The following IL3RA variants were observed in gnomAD, a reference collection of about 807,000 sequenced individuals.
IL3RA encodes the protein interleukin-3 receptor subunit alpha.
Under a neutral mutation model 52.3 loss-of-function variants are expected in IL3RA, and 73 were observed. That is an observed-to-expected ratio of 1.40 (90% CI 1.16 to 1.70). The LOEUF is 1.70. IL3RA is among the 40% of genes most tolerant of loss of function. The pLI, the probability that IL3RA is intolerant of heterozygous loss-of-function variation, is 0.00. For missense variants in IL3RA, 664 were observed against 504.4 expected, an observed-to-expected ratio of 1.32 and a Z score of -3.03; for synonymous variants, 260 against 194.0, an observed-to-expected ratio of 1.34 and a Z score of -2.83.
intron 2 of IL3RA, among the ~76,000 whole-genome samples, chrX:1,344,547 G>C (rs1802806108): frequency 6.6e-6 from 1 of 150,580 alleles, no homozygotes; most frequent in Non-Finnish European, 1.5e-5. Flanking sequence ...GGCCGAGGCG[G>C]ACAGATCACG....
At position 1,358,425 on chromosome X, in the gene IL3RA, C is replaced by T. The variant is rs577050587; in HGVS notation, c.733-436C>T. On this transcript the variant is annotated intron_variant, in intron 7 of 11. Coordinates refer to ENST00000331035, the MANE Select transcript of IL3RA (RefSeq NM_002183.4). Reference sequence around the variant, plus strand: ...CTGTAATCCCAGCACTTTGGGAGGCCGAGGTGGGCAGATCATGAGGTCAAG... The same window carrying T: ...CTGTAATCCCAGCACTTTGGGAGGCTGAGGTGGGCAGATCATGAGGTCAAG... Among the ~76,000 whole-genome samples, 10 of 152,138 alleles carry T rather than the reference C, an allele frequency of 6.6e-5. No homozygotes were observed. The South Asian group carries it at 8.3e-4, about 13-fold the overall frequency.
At chrX:1,379,640 C>G (rs1301755637) in intron 10 of IL3RA, among the ~76,000 whole-genome samples, 1 of 152,254 alleles carries the variant, frequency 6.6e-6, no homozygotes, top group Non-Finnish European at 1.5e-5. Context: ...GGGCGAAAGG[C>G]CAGGCTTTCT....
intron 8 of IL3RA, among the ~76,000 whole-genome samples, chrX:1,364,375 C>T (rs1198053284): frequency 6.6e-6 from 1 of 151,746 alleles, no homozygotes; most frequent in East Asian, 1.9e-4. Context: ...CCTGTAATCC[C>T]AGCTACTCGG....
At chrX:1,345,905 T>C (rs779886257) in intron 3 of IL3RA, among the ~76,000 whole-genome samples, 1 of 152,056 alleles carries the variant, frequency 6.6e-6, no homozygotes, top group South Asian at 2.1e-4. Context: ...AAGTCAGGTG[T>C]GGGATTTGAA....
intron 10 of IL3RA, among the ~76,000 whole-genome samples, chrX:1,379,833 C>T (rs1335488551): frequency 2.6e-5 from 4 of 152,206 alleles, no homozygotes; most frequent in Admixed American, 6.5e-5. Context: ...CATCTCGGTT[C>T]ACTGCAACCT....
chrX:1,368,185 G>C (rs1382637534), intron 9 of IL3RA, among the ~76,000 whole-genome samples: 10 of 152,074 alleles, frequency 6.6e-5, no homozygotes, highest in Non-Finnish European at 1.2e-4. Context: ...CGTGAACCCG[G>C]GAGGCGGAGG....
Position 1,353,464 on chromosome X carries a change from TC to T in IL3RA, c.616+962del, listed in dbSNP as rs1403536734. Among the ~76,000 whole-genome samples, 4 of 89,586 alleles carry T rather than the reference TC, an allele frequency of 4.5e-5. No individual in the cohort carries two copies. In the East Asian group the frequency reaches 1.3e-3, roughly 30 times the overall value. The allele number at this position is 89,586 out of a possible 152,430, so 58.8% of individuals were successfully genotyped here. ...TGGGTCCCATTATGGGTCATAGAAT[TC>T]CCCATCATGGGTTCCATCATGAGTC... On this transcript the variant is annotated intron_variant, in intron 6 of 11. Coordinates refer to ENST00000331035, the MANE Select transcript of IL3RA (RefSeq NM_002183.4).
Position 1,352,886 on chromosome X carries a change from CCA to C in IL3RA, c.616+381_616+382del, listed in dbSNP as rs1394991198. ...GTCCCATCATGGGTCATAGAATCCC[CCA>C]TGATGGGTTTCATCATGAGTCATAG... On this transcript the variant is annotated intron_variant, in intron 6 of 11. Coordinates refer to ENST00000331035, the MANE Select transcript of IL3RA (RefSeq NM_002183.4). Among the ~76,000 whole-genome samples, 329 of 46,966 alleles carry C rather than the reference CCA, an allele frequency of 7.0e-3. 7 individuals carry two copies. The highest frequency in any genetic ancestry group is 0.01 in the Non-Finnish European group (169 of 16,618). 30.8% of individuals were successfully genotyped at this position (46,966 alleles called of 152,430 possible).
rs1461709298 is a variant in IL3RA, at chrX:1,355,450, C to CAGGAGGGTAGGAGGAGGGGG, written c.617-764_617-745dup. Among the ~76,000 whole-genome samples, 43 of 51,034 alleles carry CAGGAGGGTAGGAGGAGGGGG rather than the reference C, an allele frequency of 8.4e-4. 1 individual carries two copies. In the South Asian group the frequency reaches 0.013, roughly 16 times the overall value. 33.5% of individuals were successfully genotyped at this position (51,034 alleles called of 152,430 possible). A position where few individuals can be genotyped will look rare whatever the true frequency, so the allele number is the denominator to read the frequency against. ...GGAGGGGAGGGGAGGGGAGAAAGAC[C>CAGGAGGGTAGGAGGAGGGGG]AGGAGGGTAGGAGGAGGGGGAGGAG... On this transcript the variant is annotated intron_variant, in intron 6 of 11. Coordinates refer to ENST00000331035, the MANE Select transcript of IL3RA (RefSeq NM_002183.4).
At chrX:1,351,288 A>G (rs2086071217) in intron 4 of IL3RA, among the ~76,000 whole-genome samples, 1 of 152,012 alleles carries the variant, frequency 6.6e-6, no homozygotes, top group African/African-American at 2.4e-5. Context: ...TGTATCTACC[A>G]TGGTCTCAAA....
At chrX:1,381,793 C>T (rs1406399665) in intron 11 of IL3RA, among the ~76,000 whole-genome samples, 15 of 151,426 alleles carry the variant, frequency 9.9e-5, no homozygotes, top group Admixed American at 4.0e-4. Context: ...CCCCCTGCCT[C>T]GGCCTCCCAA....
chrX:1,347,820 C>T (rs375652316), intron 3 of IL3RA, among the ~76,000 whole-genome samples: 25 of 148,992 alleles, frequency 1.7e-4, no homozygotes, highest in South Asian at 6.4e-4. Flanking sequence ...GGGTGGATCA[C>T]GAGGTCAGGA....
intron 8 of IL3RA, among the ~76,000 whole-genome samples, chrX:1,359,516 G>A (rs1263600098): frequency 2.4e-5 from 3 of 127,390 alleles, no homozygotes; most frequent in African/African-American, 9.2e-5. Context: ...CCCCCTCTCT[G>A]TATCTCCCTC....
intron 9 of IL3RA, among the ~76,000 whole-genome samples, chrX:1,376,726 C>G (rs1468577013): frequency 8.6e-6 from 1 of 116,156 alleles, no homozygotes; most frequent in Non-Finnish European, 1.8e-5. Context: ...CCTCCAGCCT[C>G]CAGGGCTGTG....
At chrX:1,362,296 CCT>C (rs1392495454) in intron 8 of IL3RA, among the ~76,000 whole-genome samples, 15 of 148,904 alleles carry the variant, frequency 1.0e-4, no homozygotes, top group South Asian at 4.3e-4. Context: ...CTCTGTCTCC[CCT>C]CTCTGTGTCT....
intron 10 of IL3RA, 99 bp downstream of exon 10, chrX:1,378,863 G>A (rs2088985475): frequency 8.8e-7 from 1 of 1,140,620 alleles, no homozygotes; most frequent in Non-Finnish European, 1.3e-6. Flanking sequence ...TTATTTTTGT[G>A]ATGGAGTCTC....
In IL3RA at chrX:1,358,366, A is replaced by G. The variant is rs145417979; in HGVS notation, c.733-495A>G. 3.1e-3 allele frequency among the ~76,000 whole-genome samples: 468 copies of G among 152,052 alleles called. 6 individuals carry two copies. The highest frequency in any genetic ancestry group is 0.011 in the African/African-American group (445 of 41,474). ...CAAGGTCTTGCCACAGTGGCCCATAAGAAACCTTTTGGGCCAGGCGCGATG... is the reference window on the plus strand; with the variant it reads ...CAAGGTCTTGCCACAGTGGCCCATAGGAAACCTTTTGGGCCAGGCGCGATG... On this transcript the variant is annotated intron_variant, in intron 7 of 11. Transcript: ENST00000331035.
intron 3 of IL3RA, among the ~76,000 whole-genome samples, chrX:1,346,053 G>A (rs1335867253): frequency 5.9e-5 from 9 of 151,950 alleles, no homozygotes; most frequent in South Asian, 2.1e-4. Flanking sequence ...GGTGGCTCAC[G>A]TCTGTAATCC....
intron 4 of IL3RA, among the ~76,000 whole-genome samples, chrX:1,349,187 C>T (rs35644660): frequency 0.055 from 7,725 of 139,772 alleles, 638 homozygotes; most frequent in African/African-American, 0.18. Flanking sequence ...TTTTAAACAC[C>T]TTTTTTTTTT....
Sources: allele counts gnomAD v4.1 joint callset (sites outside exome capture counted in the v4.1 genomes callset), GRCh38; gene constraint gnomAD v4.1.1; transcripts MANE v1.5; gene names NCBI Gene and HGNC (gene_info 2026-07-23, HGNC 2026-07-21).